The following ABLIM1 variants were observed in gnomAD, a reference collection of about 807,000 sequenced individuals.
ABLIM1 encodes the protein actin binding LIM protein 1.
A neutral mutation model predicts 107.0 loss-of-function variants in ABLIM1; 40 were observed. The observed-to-expected ratio is 0.37, with a 90% CI of 0.29 to 0.49. ABLIM1 has a LOEUF of 0.49. Ranked by LOEUF, ABLIM1 falls within the 20% of genes least tolerant of loss-of-function variation. The pLI, the probability that ABLIM1 is intolerant of heterozygous loss-of-function variation, is 0.97. For missense variants in ABLIM1, 857 were observed against 1,008.5 expected (o/e 0.85, Z 2.04); for synonymous variants, 357 against 357.3 (o/e 1.00, Z 0.01).
chr10:114,679,482 A>C (rs2080643127), intron 1 of ABLIM1, among the ~76,000 whole-genome samples: 1 of 151,968 alleles, frequency 6.6e-6, no homozygotes, highest in East Asian at 1.9e-4. Context: ...TAAAAATTAC[A>C]AAATTAGCCG....
chr10:114,784,433 G>A, the ABLIM1 span, among the ~76,000 whole-genome samples: 1 of 151,838 alleles, frequency 6.6e-6, no homozygotes, highest in African/African-American at 2.4e-5. Flanking sequence ...GGGAGGCCAA[G>A]GTGGGTGGAT....
At chr10:114,497,630 C>A (rs1047570731) in intron 6 of ABLIM1, among the ~76,000 whole-genome samples, 1 of 134,180 alleles carries the variant, frequency 7.5e-6, no homozygotes, top group Non-Finnish European at 1.5e-5. Flanking sequence ...TGCAGTAAGC[C>A]GAGATCGCAC....
chr10:114,579,004 C>T (rs1392269566), intron 2 of ABLIM1, among the ~76,000 whole-genome samples: 1 of 151,670 alleles, frequency 6.6e-6, no homozygotes, highest in East Asian at 2.0e-4. Context: ...CCAGGCTGGT[C>T]TTGAACTCCT....
At chr10:114,692,979 T>G (rs1437897589) in intron 1 of ABLIM1, among the ~76,000 whole-genome samples, 1 of 152,258 alleles carries the variant, frequency 6.6e-6, no homozygotes, top group Non-Finnish European at 1.5e-5. Flanking sequence ...GGGTTTATAA[T>G]AACCAGCCAC....
At chr10:114,556,839 C>T (rs1037649920) in intron 4 of ABLIM1, among the ~76,000 whole-genome samples, 1 of 152,104 alleles carries the variant, frequency 6.6e-6, no homozygotes, top group African/African-American at 2.4e-5. Context: ...TCAAATGAGT[C>T]CACAATTTTC....
chr10:114,645,255 T>C (rs2078963629), intron 1 of ABLIM1, among the ~76,000 whole-genome samples: 1 of 151,658 alleles, frequency 6.6e-6, no homozygotes, highest in Non-Finnish European at 1.5e-5. Context: ...AGGTGGTAGA[T>C]AAATACCCCA....
intron 1 of ABLIM1, among the ~76,000 whole-genome samples, chr10:114,650,888 C>T (rs2079208870): frequency 6.6e-6 from 1 of 152,110 alleles, no homozygotes; most frequent in South Asian, 2.1e-4. Flanking sequence ...CAACTAAATG[C>T]CAGCATTTCT....
intron 1 of ABLIM1, among the ~76,000 whole-genome samples, chr10:114,653,036 C>T (rs936429219): frequency 6.6e-6 from 1 of 152,218 alleles, no homozygotes; most frequent in Non-Finnish European, 1.5e-5. Context: ...GAATGACCCA[C>T]TCTTATGCTC....
intron 22 of ABLIM1, 31 bp downstream of exon 22, chr10:114,437,813 G>C (rs759821702): frequency 1.3e-6 from 2 of 1,589,368 alleles, no homozygotes; most frequent in Non-Finnish European, 1.7e-6. Context: ...GGGATCTGCA[G>C]TTGGGACTGG....
chr10:114,557,106 G>A (rs1002288168), intron 4 of ABLIM1, among the ~76,000 whole-genome samples: 9 of 152,104 alleles, frequency 5.9e-5, no homozygotes, highest in African/African-American at 2.2e-4. Context: ...GGGAAAAGGG[G>A]GTCTCAATAC....
chr10:114,791,996 T>C, the ABLIM1 span, among the ~76,000 whole-genome samples: 3 of 152,194 alleles, frequency 2.0e-5, no homozygotes, highest in Non-Finnish European at 4.4e-5. Context: ...TAATCCCCAA[T>C]GTGGAAATGA....
intron 1 of ABLIM1, among the ~76,000 whole-genome samples, chr10:114,733,991 G>C (rs1324486337): frequency 6.6e-6 from 1 of 152,046 alleles, no homozygotes; most frequent in Non-Finnish European, 1.5e-5. Context: ...CTGCCAAATA[G>C]CTAGGATTAC....
intron 1 of ABLIM1, among the ~76,000 whole-genome samples, chr10:114,648,189 A>C (rs2079086223): frequency 6.6e-6 from 1 of 152,218 alleles, no homozygotes; most frequent in Admixed American, 6.5e-5. Context: ...GTATATACCC[A>C]AGGGGACTGA....
At chr10:114,756,173 G>A (rs1467158919) in intron 1 of ABLIM1, among the ~76,000 whole-genome samples, 7 of 151,892 alleles carry the variant, frequency 4.6e-5, no homozygotes, top group East Asian at 1.9e-4. Context: ...CTCCAACATC[G>A]ATTACTGGGG....
rs2060630927 is a variant in ABLIM1 at position 114,444,009 on chromosome 10, G to A, written c.1933+20C>T. 1.9e-6 allele frequency: 3 copies of A among 1,592,532 alleles called. No individual in the cohort carries two copies. The highest frequency in any genetic ancestry group is 1.4e-5 in the African/African-American group (1 of 73,682). On this transcript the variant is annotated intron_variant, in intron 17 of 22. Coordinates refer to ENST00000533213, the MANE Select transcript of ABLIM1 (RefSeq NM_002313.7). Reference sequence around the variant, plus strand: ...GTGGCTGGCTCTCGAATCAGGGAAGGTTGGGGGTTTGCTGCTTACCTGAGT... The same window carrying A: ...GTGGCTGGCTCTCGAATCAGGGAAGATTGGGGGTTTGCTGCTTACCTGAGT...
chr10:114,559,461 AAG>A (rs1491027225), intron 4 of ABLIM1, among the ~76,000 whole-genome samples: 52 of 63,692 alleles, frequency 8.2e-4, no homozygotes, highest in African/African-American at 4.4e-3. Context: ...AAAAAAAAAA[AAG>A]AAAGAAAGAA....
Position 114,741,216 on chromosome 10 carries a change from C to CTTTTTTT in ABLIM1, c.-213+26838_-213+26844dup, listed in dbSNP as rs751287379. Among the ~76,000 whole-genome samples, 47 of 59,890 alleles carry CTTTTTTT rather than the reference C, an allele frequency of 7.8e-4. 5 individuals carry two copies. Among genetic ancestry groups the CTTTTTTT allele is most frequent in the Non-Finnish European group, 1.1e-3 (34 of 31,594 alleles). The allele number at this position is 59,890 out of a possible 152,430, so 39.3% of individuals were successfully genotyped here. On this transcript the variant is annotated intron_variant, in intron 1 of 15. Coordinates refer to the ABLIM1 transcript ENST00000651092. ...ATAACACCTTGATAGGACTATTCTT[C>CTTTTTTT]TTTTTTTTTTTTTTTTTTTTTTTTT... is the stretch of plus-strand genomic sequence containing the variant.
chr10:114,562,252 A>G (rs7915116), intron 4 of ABLIM1, among the ~76,000 whole-genome samples: 56,355 of 151,750 alleles, frequency 0.37, 13,738 homozygotes, highest in African/African-American at 0.7. Context: ...TGTTTTGGCC[A>G]GGCGCGGTGG....
Position 114,491,258 on chromosome 10 carries a change from G to C in ABLIM1, c.982+533C>G, listed in dbSNP as rs372589569. ...TCTGTCTCTCTCTCTCTCAATATAA[G>C]AGCTAATCAACTTAATGGGGTGAAA... is the stretch of plus-strand genomic sequence containing the variant. On this transcript the variant is annotated intron_variant, in intron 7 of 22. Transcript: ENST00000533213. 4.6e-5 allele frequency among the ~76,000 whole-genome samples: 7 copies of C among 151,288 alleles called. No individual in the cohort carries two copies. In the East Asian group the frequency reaches 1.4e-3, roughly 29 times the overall value.
Sources: allele counts gnomAD v4.1 joint callset (sites outside exome capture counted in the v4.1 genomes callset), GRCh38; gene constraint gnomAD v4.1.1; transcripts MANE v1.5; gene names NCBI Gene and HGNC (gene_info 2026-07-23, HGNC 2026-07-21).